Variants in ZNRF3 observed in about 807,000 individuals in gnomAD.
ZNRF3 encodes the protein E3 ubiquitin-protein ligase ZNRF3.
ZNRF3 carries 23 observed loss-of-function variants against 72.5 expected under a neutral mutation model. The ratio of observed to expected loss-of-function variants is 0.32; its 90% CI spans 0.23 to 0.45. ZNRF3 has a LOEUF of 0.45. Among genes scored for constraint, ZNRF3 ranks in the 20% least tolerant of loss-of-function variants. The pLI is 1.00. For missense variants in ZNRF3, 1,169 were observed against 1,272.1 expected, an observed-to-expected ratio of 0.92 and a Z score of 1.23; for synonymous variants, 610 against 545.3, an observed-to-expected ratio of 1.12 and a Z score of -1.65.
chr22:28,909,635 C>T (rs950508948), intron 1 of ZNRF3, among the ~76,000 whole-genome samples: 11 of 151,766 alleles, frequency 7.2e-5, no homozygotes, highest in African/African-American at 1.9e-4. Flanking sequence ...GGCTGGAGTG[C>T]GGGGGCGTGA....
chr22:28,979,572 A>C (rs1157649550), intron 1 of ZNRF3, among the ~76,000 whole-genome samples: 1 of 152,232 alleles, frequency 6.6e-6, no homozygotes, highest in African/African-American at 2.4e-5. Flanking sequence ...TCAGTAATCA[A>C]TAACTGTAAG....
intron 1 of ZNRF3, among the ~76,000 whole-genome samples, chr22:28,893,028 G>A (rs1341313941): frequency 6.6e-6 from 1 of 152,032 alleles, no homozygotes; most frequent in Non-Finnish European, 1.5e-5. Context: ...TTAGCCAGGC[G>A]TGGTGGCGGG....
At chr22:28,928,785 C>T (rs747738691) in intron 1 of ZNRF3, among the ~76,000 whole-genome samples, 7 of 152,034 alleles carry the variant, frequency 4.6e-5, no homozygotes, top group East Asian at 1.9e-4. Context: ...CGTGAGCCAC[C>T]GCGCCCGGCC....
At chr22:28,921,405 A>C in intron 1 of ZNRF3, among the ~76,000 whole-genome samples, 1 of 152,110 alleles carries the variant, frequency 6.6e-6, no homozygotes, top group African/African-American at 2.4e-5. Flanking sequence ...CTGTCTTTGC[A>C]TTTTGGCATC....
chr22:28,965,624 G>C (rs1215231276), intron 1 of ZNRF3, among the ~76,000 whole-genome samples: 10 of 152,196 alleles, frequency 6.6e-5, no homozygotes, highest in Non-Finnish European at 1.2e-4. Context: ...CTATATCTTA[G>C]TATCAGGTTG....
intron 1 of ZNRF3, among the ~76,000 whole-genome samples, chr22:28,972,060 T>A (rs2035584664): frequency 6.6e-6 from 1 of 152,184 alleles, no homozygotes; most frequent in Admixed American, 6.5e-5. Flanking sequence ...CACTATATTT[T>A]TCCTTTTCTC....
intron 1 of ZNRF3, among the ~76,000 whole-genome samples, chr22:28,913,676 A>G (rs527430092): frequency 6.6e-6 from 1 of 152,336 alleles, no homozygotes; most frequent in African/African-American, 2.4e-5. Context: ...TAAAAGAACC[A>G]AGAAACAGTG....
At chr22:29,022,997 T>G (rs536213712) in intron 2 of ZNRF3, among the ~76,000 whole-genome samples, 1 of 152,290 alleles carries the variant, frequency 6.6e-6, no homozygotes, top group African/African-American at 2.4e-5. Context: ...TTAAGTAATT[T>G]CTCATCGTCC....
intron 2 of ZNRF3, among the ~76,000 whole-genome samples, chr22:28,994,400 G>C (rs887919521): frequency 6.6e-6 from 1 of 150,614 alleles, no homozygotes; most frequent in Admixed American, 6.6e-5. Flanking sequence ...TTTCTCCATG[G>C]TGGTCGGGCT....
At chr22:29,037,358 A>G (rs576898652) in intron 2 of ZNRF3, among the ~76,000 whole-genome samples, 13 of 152,170 alleles carry the variant, frequency 8.5e-5, no homozygotes, top group East Asian at 1.9e-4. Context: ...TGATGGGACA[A>G]TTCTCATCAT....
intron 1 of ZNRF3, among the ~76,000 whole-genome samples, chr22:28,981,274 G>A (rs1165305928): frequency 6.6e-6 from 1 of 152,222 alleles, no homozygotes; most frequent in African/African-American, 2.4e-5. Context: ...TTCTTACAGA[G>A]AAGGTTCTTA....
rs1209257929 is a variant in ZNRF3 at position 29,007,758 on chromosome 22, T to C, written c.426+20557T>C. 1.5e-4 allele frequency among the ~76,000 whole-genome samples: 22 copies of C among 143,192 alleles called. 1 individual carries two copies. The highest frequency in any genetic ancestry group is 3.3e-4 in the African/African-American group (13 of 38,874). The allele number at this position is 143,192 out of a possible 152,430, so 93.9% of individuals were successfully genotyped here. A position where few individuals can be genotyped will look rare whatever the true frequency, so the allele number is the denominator to read the frequency against. On this transcript the variant is annotated intron_variant, in intron 2 of 8. Coordinates refer to ENST00000544604, the MANE Select transcript of ZNRF3 (RefSeq NM_001206998.2). ...ATAGAAATTCCATTTCTTCCTTTTT[T>C]TTTTTTTTTTTTTTTTGAGACAGAG... is the stretch of plus-strand genomic sequence containing the variant.
chr22:28,927,490 A>G (rs933833274), intron 1 of ZNRF3, among the ~76,000 whole-genome samples: 1 of 152,220 alleles, frequency 6.6e-6, no homozygotes, highest in African/African-American at 2.4e-5. Flanking sequence ...CAAAGTTAAG[A>G]TGAGCTACAA....
At chr22:28,898,841 A>G (rs897323096) in intron 1 of ZNRF3, among the ~76,000 whole-genome samples, 5 of 137,884 alleles carry the variant, frequency 3.6e-5, no homozygotes, top group African/African-American at 5.5e-5. Context: ...CAAACGTTTG[A>G]TTTTCTAGTC....
chr22:29,008,785 G>T (rs2036301322), intron 2 of ZNRF3, among the ~76,000 whole-genome samples: 1 of 152,172 alleles, frequency 6.6e-6, no homozygotes. Context: ...AAGGAAGTTG[G>T]ACATCTCGTA....
chr22:28,994,048 G>A (rs553897419), intron 2 of ZNRF3, among the ~76,000 whole-genome samples: 181 of 152,198 alleles, frequency 1.2e-3, no homozygotes, highest in African/African-American at 4.1e-3. Context: ...AGCCCCTAAA[G>A]GAGATAATGT....
Position 28,893,813 on chromosome 22 carries a change from C to A in ZNRF3, c.300+9747C>A, listed in dbSNP as rs561166315. Reference sequence around the variant, plus strand: ...GTGCCCGGCCTGCCTTGGTTATTTTCATAAGATTTCTAGAATTAGGTTCAC... The same window carrying A: ...GTGCCCGGCCTGCCTTGGTTATTTTAATAAGATTTCTAGAATTAGGTTCAC... On this transcript the variant is annotated intron_variant, in intron 1 of 8. Coordinates refer to ENST00000544604, the MANE Select transcript of ZNRF3 (RefSeq NM_001206998.2). Among the ~76,000 whole-genome samples, 4 of 151,672 alleles carry A rather than the reference C, an allele frequency of 2.6e-5. 1 individual carries two copies. The highest frequency in any genetic ancestry group is 2.6e-4 in the Admixed American group (4 of 15,242).
chr22:28,989,501 G>A (rs966955187), intron 2 of ZNRF3, among the ~76,000 whole-genome samples: 5 of 152,180 alleles, frequency 3.3e-5, no homozygotes, highest in African/African-American at 1.2e-4. Flanking sequence ...ATAGGTTAAA[G>A]GAAGGCAAAG....
chr22:29,011,364 C>T (rs912732148), intron 2 of ZNRF3, among the ~76,000 whole-genome samples: 7 of 152,262 alleles, frequency 4.6e-5, no homozygotes, highest in Admixed American at 1.3e-4. Flanking sequence ...TGTCCGTCTC[C>T]GTGGCCAGCT....
Sources: allele counts gnomAD v4.1 joint callset (sites outside exome capture counted in the v4.1 genomes callset), GRCh38; gene constraint gnomAD v4.1.1; transcripts MANE v1.5; gene names NCBI Gene and HGNC (gene_info 2026-07-23, HGNC 2026-07-21).